Variants in OXA1L observed in about 807,000 individuals in gnomAD.
OXA1L encodes the protein OXA1L mitochondrial inner membrane insertase, also known as mitochondrial inner membrane protein OXA1L.
OXA1L carries 42 observed loss-of-function variants against 52.2 expected under a neutral mutation model. The ratio of observed to expected loss-of-function variants is 0.80; its 90% CI spans 0.63 to 1.04. The LOEUF (loss-of-function observed/expected upper bound fraction) is 1.04, where lower values mean the gene tolerates loss of function less well. Among genes scored for constraint, OXA1L ranks in the 50% least tolerant of loss-of-function variants. The pLI, the probability that OXA1L is intolerant of heterozygous loss-of-function variation, is 0.00. For synonymous variants in OXA1L, 239 were observed against 201.9 expected (o/e 1.18, Z -1.56); for missense variants, 572 against 555.0 (o/e 1.03, Z -0.31).
Position 22,771,477 on chromosome 14 carries a change from T to TG in OXA1L, c.1229dup (p.Asp412GlyfsTer2). On this transcript the variant is annotated frameshift_variant, in exon 10 of 10. Coordinates refer to ENST00000612549, the MANE Select transcript of OXA1L (RefSeq NM_005015.5). LOFTEE classifies it high-confidence loss of function. ...TTACCCACAACCCTCTCCTACAACC[T>TG]GGAAAGGATAACCCTCCCAATATCC... 1 of 1,613,632 alleles carries TG rather than the reference T, an allele frequency of 6.2e-7. No homozygotes were observed. Among genetic ancestry groups the TG allele is most frequent in the Non-Finnish European group, 8.5e-7 (1 of 1,179,862 alleles).
At chr14:22,771,211 AG>A (rs2038457619) in intron 8 of OXA1L, 31 bp downstream of exon 8, 1 of 1,613,122 alleles carries the variant, frequency 6.2e-7, no homozygotes, top group Non-Finnish European at 8.5e-7. Context: ...AAAAAGGACT[AG>A]GGAAAGGGGT....
intron 3 of OXA1L, 99 bp downstream of exon 3, chr14:22,768,270 A>G (rs2038428170): frequency 9.2e-6 from 8 of 874,238 alleles, no homozygotes; most frequent in Non-Finnish European, 1.5e-5. Context: ...CTCTGGGGTC[A>G]GAAGAGCAGA....
chr14:22,766,768 A>C lies in OXA1L; in HGVS notation c.63+4A>C. On this transcript the variant is annotated splice_donor_region_variant and intron_variant, in intron 1 of 9. Transcript: ENST00000612549. ...CTTGCTACAGTCCGGGCGTCGGGTA[A>C]GGATGCCCCGGGGCAGAGCACCGGG... 1 of 1,614,146 alleles carries C rather than the reference A, an allele frequency of 6.2e-7. No homozygotes were observed. The highest frequency in any genetic ancestry group is 1.1e-5 in the South Asian group (1 of 91,078).
chr14:22,772,388 C>A lies in OXA1L; in HGVS notation c.*830C>A, dbSNP rs2139378640. The A allele has an allele frequency of 6.9e-6, 1 of 144,286 alleles. No homozygotes were observed. The highest frequency in any genetic ancestry group is 1.5e-5 in the Non-Finnish European group (1 of 66,916). 8.9% of individuals were successfully genotyped at this position (144,286 alleles called of 1,614,324 possible). On this transcript the variant is annotated 3_prime_UTR_variant, in exon 10 of 10. Coordinates refer to ENST00000612549, the MANE Select transcript of OXA1L (RefSeq NM_005015.5). Reference sequence around the variant, plus strand: ...CCTGTATTCCCAGCTACTTGGGAGGCTGAGGCAGGAGAATGGCGTGAACCC... The same window carrying A: ...CCTGTATTCCCAGCTACTTGGGAGGATGAGGCAGGAGAATGGCGTGAACCC...
rs753662119 is a variant in OXA1L at position 22,771,491 on chromosome 14, C to CTCCCAATA, written c.1246_1253dup (p.Ser419IlefsTer52). The CTCCCAATA allele has an allele frequency of 3.1e-6, 5 of 1,609,372 alleles. No individual in the cohort carries two copies. The African/African-American group carries it at 6.8e-5, about 22-fold the overall frequency. On this transcript the variant is annotated frameshift_variant, in exon 10 of 10. Transcript: ENST00000612549. LOFTEE classifies it high-confidence loss of function. ...CTCCTACAACCTGGAAAGGATAACCCTCCCAATATCCCTAGCAGCAGCAGC... is the reference window on the plus strand; with the variant it reads ...CTCCTACAACCTGGAAAGGATAACCCTCCCAATATCCCAATATCCCTAGCAGCAGCAGC...
chr14:22,770,485 A>G lies in OXA1L; in HGVS notation c.694A>G (p.Ile232Val), dbSNP rs35143092. 6.2e-7 allele frequency: 1 copy of G among 1,613,806 alleles called. No individual in the cohort carries two copies. Among genetic ancestry groups the G allele is most frequent in the African/African-American group, 1.3e-5 (1 of 74,900 alleles). ...TQAPIFISFF[I>V]ALREMANLPV... Reference sequence around the variant, plus strand: ...GGCCCCAATCTTCATCTCCTTCTTCATTGCTTTGAGAGAGATGGCCAACCT... The same window carrying G: ...GGCCCCAATCTTCATCTCCTTCTTCGTTGCTTTGAGAGAGATGGCCAACCT... Residue 232 changes from isoleucine (I) to valine (V), a missense_variant, in exon 6 of 10, where the codon ATT becomes GTT. This residue lies in a region of OXA1L where 132 missense variants were observed against 124.0 expected (regional missense o/e 1.06). Coordinates refer to ENST00000612549, the MANE Select transcript of OXA1L (RefSeq NM_005015.5).
In OXA1L at chr14:22,768,187, C is replaced by A; in HGVS notation, c.439+16C>A. ...ATTGCTGCATGTAAGGGGAATATAC[C>A]CTGGACATGGGTTAGGGATTTAACC... On this transcript the variant is annotated intron_variant, in intron 3 of 9. Transcript: ENST00000612549. 1 of 1,593,930 alleles carries A rather than the reference C, an allele frequency of 6.3e-7. No individual in the cohort carries two copies. Among genetic ancestry groups the A allele is most frequent in the East Asian group, 2.2e-5 (1 of 44,790 alleles).
chr14:22,768,472 TCAGGCA>T, intron 3 of OXA1L: 4 of 369,214 alleles, frequency 1.1e-5, no homozygotes, highest in South Asian at 3.1e-5. Context: ...GAGGTTCAGG[TCAGGCA>T]CTTAAACCCC....
Position 22,766,985 on chromosome 14 carries a change from G to C in OXA1L, c.63+221G>C. On this transcript the variant is annotated intron_variant, in intron 1 of 9. Transcript: ENST00000612549. The stretch of plus-strand genomic sequence containing the variant: ...GGAATTGGCTTGGCTCCTGGCGAGA[G>C]CACCTCGGCCTCGTTCTCAGGGCCC... The C allele has an allele frequency of 2.0e-6, 3 of 1,530,176 alleles. No individual in the cohort carries two copies. In the South Asian group the frequency reaches 3.6e-5, roughly 18 times the overall value. 94.8% of individuals were successfully genotyped at this position (1,530,176 alleles called of 1,614,324 possible). A position where few individuals can be genotyped will look rare whatever the true frequency, so the allele number is the denominator to read the frequency against.
intron 5 of OXA1L, 39 bp downstream of exon 5, chr14:22,770,317 C>A: frequency 1.3e-6 from 2 of 1,522,308 alleles, no homozygotes; most frequent in Non-Finnish European, 1.8e-6. Context: ...CATCCAGTAC[C>A]CATGAAATTT....
intron 1 of OXA1L, 59 bp downstream of exon 1, chr14:22,766,823 C>G: frequency 6.9e-6 from 11 of 1,604,402 alleles, no homozygotes; most frequent in Non-Finnish European, 9.4e-6. Flanking sequence ...AACCAGGCCC[C>G]AGGACAGCTC....
chr14:22,773,041 C>G lies in OXA1L; in HGVS notation c.*1483C>G. 3.5e-6 allele frequency: 1 copy of G among 283,524 alleles called. No homozygotes were observed. The highest frequency in any genetic ancestry group is 3.6e-5 in the South Asian group (1 of 27,482). The allele number at this position is 283,524 out of a possible 1,614,324, so 17.6% of individuals were successfully genotyped here. A position where few individuals can be genotyped will look rare whatever the true frequency, so the allele number is the denominator to read the frequency against. ...GTAACAATCCAACATTTGACTAGAG[C>G]AGTTTAAGTGTTCTGTTGTCTGCCT... is the stretch of plus-strand genomic sequence containing the variant. On this transcript the variant is annotated 3_prime_UTR_variant, in exon 10 of 10. Transcript: ENST00000612549.
rs1250478464 is a variant in OXA1L, at chr14:22,767,447, G to GT, written c.225+41dup. 1.9e-6 allele frequency: 3 copies of GT among 1,544,568 alleles called. No homozygotes were observed. In the African/African-American group the frequency reaches 4.2e-5, roughly 21 times the overall value. ...TCGTTCCTGCAATATTAGGAGTGGT[G>GT]TTTCCTGGTTGGTTTCATATTTTGT... On this transcript the variant is annotated intron_variant, in intron 2 of 9. Coordinates refer to ENST00000612549, the MANE Select transcript of OXA1L (RefSeq NM_005015.5).
At position 22,771,519 on chromosome 14, in the gene OXA1L, A is replaced by G; in HGVS notation, c.1269A>G (p.Lys423=). 2 of 1,537,886 alleles carry G rather than the reference A, an allele frequency of 1.3e-6. No individual in the cohort carries two copies. Among genetic ancestry groups the G allele is most frequent in the Non-Finnish European group, 1.8e-6 (2 of 1,116,756 alleles). ...NPPNIPSSSS[K]PKSKYPWHDT... ...CCAATATCCCTAGCAGCAGCAGCAA[A>G]CCAAAGTCAAAGTATCCCTGGCACG... is the stretch of plus-strand genomic sequence containing the variant. The change falls in exon 10 of 10, where the codon AAA becomes AAG. Residue 423 remains lysine (K), a synonymous_variant. Coordinates refer to ENST00000612549, the MANE Select transcript of OXA1L (RefSeq NM_005015.5).
rs143046719 is a variant in OXA1L, at chr14:22,771,029, G to A, written c.951G>A (p.Met317Ile). 1.9e-6 allele frequency: 3 copies of A among 1,614,084 alleles called. No individual in the cohort carries two copies. The highest frequency in any genetic ancestry group is 1.3e-5 in the African/African-American group (1 of 74,938). ...ITMHFPTAVF[M>I]YWLSSNLFSL... is the part of the protein sequence containing the mutation. ...GTGTTCTCACCCAGGCAGTGTTTAT[G>A]TACTGGCTCTCCTCCAATTTGTTTT... Residue 317 changes from methionine (M) to isoleucine (I), a missense_variant, in exon 8 of 10, where the codon ATG (methionine) becomes ATA (isoleucine). Coordinates refer to ENST00000612549, the MANE Select transcript of OXA1L (RefSeq NM_005015.5).
chr14:22,770,723 A>G, intron 6 of OXA1L, 82 bp from the exon 7 acceptor site: 1 of 1,539,610 alleles, frequency 6.5e-7, no homozygotes, highest in South Asian at 1.1e-5. Flanking sequence ...TGCTGGAGAA[A>G]GAGTTGATGG....
chr14:22,770,348 C>T (rs2038447563), intron 5 of OXA1L, 70 bp downstream of exon 5: 3 of 1,514,540 alleles, frequency 2.0e-6, no homozygotes, highest in Middle Eastern at 1.7e-4. Context: ...TTTCATGTGT[C>T]CCAGGTCCCC....
chr14:22,768,105 AT>A lies in OXA1L; in HGVS notation c.374del (p.Ile125ThrfsTer30). 1 of 1,614,188 alleles carries A rather than the reference AT, an allele frequency of 6.2e-7. No individual in the cohort carries two copies. The highest frequency in any genetic ancestry group is 8.5e-7 in the Non-Finnish European group (1 of 1,180,030). On this transcript the variant is annotated frameshift_variant, in exon 3 of 10. Coordinates refer to ENST00000612549, the MANE Select transcript of OXA1L (RefSeq NM_005015.5). LOFTEE classifies it high-confidence loss of function. ...GGGGTCATACACCCCAGTGGGACTG[AT>A]CCAGAATTTACTGGAATTTATGCAT... The part of the protein sequence containing the change: ...GLGSYTPVGL[I>X]QNLLEFMHVD...
intron 2 of OXA1L, 59 bp downstream of exon 2, chr14:22,767,468 T>A: frequency 6.8e-7 from 1 of 1,479,084 alleles, no homozygotes. Context: ...GGTTTCATAT[T>A]TTGTTTTGTT....
Sources: gnomAD v4.1 joint callset for allele counts on GRCh38, gnomAD v4.1.1 for gene constraint, gnomAD v4.1.1 regional missense constraint, MANE v1.5 for transcripts, NCBI Gene and HGNC (gene_info 2026-07-23, HGNC 2026-07-21) for gene names.